Variants in PCDHGA3 observed in about 807,000 individuals in gnomAD.
PCDHGA3 encodes protocadherin gamma subfamily A, 3, also known as protocadherin gamma-A3.
In PCDHGA3, 40 loss-of-function variants were observed where a neutral mutation model predicts 58.5. The observed-to-expected ratio is 0.68, with a 90% CI of 0.53 to 0.89. PCDHGA3 has a LOEUF of 0.89. Among genes scored for constraint, PCDHGA3 ranks in the 40% least tolerant of loss-of-function variants. The probability of loss-of-function intolerance (pLI) is 0.00; values close to 1 mark genes in which losing one functional copy is unlikely to be tolerated. For synonymous variants in PCDHGA3, 530 were observed against 525.7 expected, an observed-to-expected ratio of 1.01 and a Z score of -0.11; for missense variants, 1,223 against 1,195.9, an observed-to-expected ratio of 1.02 and a Z score of -0.33.
At chr5:141,450,006 C>CTATTTTTTTTT (rs70988802) in intron 1 of PCDHGA3, among the ~76,000 whole-genome samples, 2 of 132,964 alleles carry the variant, frequency 1.5e-5, no homozygotes, top group African/African-American at 2.8e-5. Flanking sequence ...TGCCATGTCT[C>CTATTTTTTTTT]TTTTTTTTTT....
Position 141,431,559 on chromosome 5 carries a change from C to T in PCDHGA3, c.2425-63248C>T. 6.2e-7 allele frequency: 1 copy of T among 1,614,158 alleles called. No individual in the cohort carries two copies. On this transcript the variant is annotated intron_variant, in intron 1 of 3. Transcript: ENST00000253812. The surrounding 1 kb of genome is among the most constrained non-coding windows in gnomAD (Gnocchi z 4.8). ...ACGCAGCTGCTTGTAGTCAACGCTA[C>T]CGACCCTGACGAAGGAGTCAATGCG...
At chr5:141,366,544 G>T (rs368873957) in intron 1 of PCDHGA3, 5 of 1,614,112 alleles carry the variant, frequency 3.1e-6, no homozygotes, top group Non-Finnish European at 4.2e-6. Context: ...TGCCCGCCTC[G>T]CACTTTGTGG....
intron 1 of PCDHGA3, chr5:141,372,557 C>A: frequency 6.2e-7 from 1 of 1,614,048 alleles, no homozygotes; most frequent in Non-Finnish European, 8.5e-7. Flanking sequence ...CCTCCAGACC[C>A]GCCACTGAGG....
chr5:141,415,071 G>C (rs757356726), intron 1 of PCDHGA3: 5 of 1,613,422 alleles, frequency 3.1e-6, no homozygotes, highest in Non-Finnish European at 1.7e-6. Context: ...AGGTGCGCAC[G>C]GCGCGAGCCC....
rs200576950 is a variant in PCDHGA3 at position 141,477,475 on chromosome 5, C to T, written c.2425-17332C>T. The T allele has an allele frequency of 1.2e-6, 2 of 1,614,124 alleles. No individual in the cohort carries two copies. Among genetic ancestry groups the T allele is most frequent in the African/African-American group, 2.7e-5 (2 of 75,010 alleles). ...TTCAAGTGTCCGACATCAATGACAACCCTCCACAATCTTCTCAATCTTCCT... is the reference window on the plus strand; with the variant it reads ...TTCAAGTGTCCGACATCAATGACAATCCTCCACAATCTTCTCAATCTTCCT... On this transcript the variant is annotated intron_variant, in intron 1 of 3. Transcript: ENST00000253812. The surrounding 1 kb of genome is among the most constrained non-coding windows in gnomAD (Gnocchi z 4.9).
chr5:141,390,290 C>T (rs1344237469), intron 1 of PCDHGA3: 1 of 1,613,806 alleles, frequency 6.2e-7, no homozygotes, highest in Admixed American at 1.7e-5. Flanking sequence ...AGGTGAGTTT[C>T]CTTTAAGTAT....
intron 2 of PCDHGA3, among the ~76,000 whole-genome samples, chr5:141,498,815 C>T (rs1595543994): frequency 6.6e-6 from 1 of 152,032 alleles, no homozygotes. Flanking sequence ...CACCTGTAGT[C>T]CCAGCTACTC....
chr5:141,507,263 T>C (rs755395344), intron 3 of PCDHGA3: 1 of 152,038 alleles, frequency 6.6e-6, no homozygotes, highest in Non-Finnish European at 1.5e-5. Flanking sequence ...AAACAGCAAG[T>C]ACTATTTCAG....
intron 1 of PCDHGA3, chr5:141,371,505 A>G: frequency 6.2e-7 from 1 of 1,613,908 alleles, no homozygotes; most frequent in Non-Finnish European, 8.5e-7. Flanking sequence ...CCTGATCAAA[A>G]CACATGATCT....
At position 141,344,594 on chromosome 5, in the gene PCDHGA3, G is replaced by A. The variant is rs112672535; in HGVS notation, c.561G>A (p.Glu187=). Residue 187 remains glutamate, a synonymous_variant, in exon 1 of 4, where the codon GAG becomes GAA. Coordinates refer to ENST00000253812, the MANE Select transcript of PCDHGA3 (RefSeq NM_018916.4). ...YFSLAVNSVS[E]GAKYPELVLE... is the part of the protein sequence containing the mutation. ...CTCTGGCTGTGAATAGCGTCTCTGA[G>A]GGGGCCAAGTATCCAGAGCTGGTGC... 39 of 1,613,988 alleles carry A rather than the reference G, an allele frequency of 2.4e-5. 2 individuals carry two copies. The African/African-American group carries it at 2.8e-4, about 12-fold the overall frequency.
chr5:141,385,258 A>G lies in PCDHGA3; in HGVS notation c.2424+38801A>G, dbSNP rs1490610927. ...GCTCATCAGCCAGGAGAGCTGTGAG[A>G]AAAATGATTCTTTGCTAACATCCGT... On this transcript the variant is annotated intron_variant, in intron 1 of 3. Coordinates refer to ENST00000253812, the MANE Select transcript of PCDHGA3 (RefSeq NM_018916.4). 6 of 1,613,776 alleles carry G rather than the reference A, an allele frequency of 3.7e-6. No individual in the cohort carries two copies. In the South Asian group the frequency reaches 6.6e-5, roughly 18 times the overall value.
chr5:141,494,394 T>C (rs1437164389), intron 1 of PCDHGA3, among the ~76,000 whole-genome samples: 1 of 152,154 alleles, frequency 6.6e-6, no homozygotes, highest in African/African-American at 2.4e-5. Flanking sequence ...GTTGAATAAA[T>C]TCATTCTAGG....
In PCDHGA3 at chr5:141,385,016, C is replaced by G. The variant is rs536780147; in HGVS notation, c.2424+38559C>G. 1.9e-6 allele frequency: 3 copies of G among 1,614,186 alleles called. No individual in the cohort carries two copies. In the South Asian group the frequency reaches 3.3e-5, roughly 18 times the overall value. On this transcript the variant is annotated intron_variant, in intron 1 of 3. Transcript: ENST00000253812. ...GCCACAGTCTCCTGCGTCTTCCTAG[C>G]CTTCGTCCTCGTACTGCTGGCGCTC...
rs1255551589 is a variant in PCDHGA3 at position 141,410,375 on chromosome 5, G to A, written c.2424+63918G>A. ...ACGCTCTCTCAGCCCTGCTACTTGG[G>A]ACTGCTTCCATCCTGGTCTCTGTGT... On this transcript the variant is annotated intron_variant, in intron 1 of 3. Coordinates refer to ENST00000253812, the MANE Select transcript of PCDHGA3 (RefSeq NM_018916.4). The A allele has an allele frequency of 6.2e-7, 1 of 1,614,028 alleles. No individual in the cohort carries two copies. Among genetic ancestry groups the A allele is most frequent in the Admixed American group, 1.7e-5 (1 of 60,022 alleles).
chr5:141,425,248 G>T (rs954872490), intron 1 of PCDHGA3, among the ~76,000 whole-genome samples: 2 of 152,178 alleles, frequency 1.3e-5, no homozygotes, highest in Admixed American at 1.3e-4. Context: ...AAAAGGATAT[G>T]AGGTATTTGG....
chr5:141,501,290 TACACACACACACACACACAC>T (rs55762287), intron 2 of PCDHGA3, among the ~76,000 whole-genome samples: 1 of 136,162 alleles, frequency 7.3e-6, no homozygotes, highest in Non-Finnish European at 1.6e-5. Flanking sequence ...TATTCCCTTA[TACACACACACACACACACAC>T]ACACACACAC....
Position 141,490,055 on chromosome 5 carries a change from G to A in PCDHGA3, c.2425-4752G>A, listed in dbSNP as rs746297447. The A allele has an allele frequency of 1.9e-6, 3 of 1,614,068 alleles. No individual in the cohort carries two copies. The Admixed American group carries it at 5.0e-5, about 27-fold the overall frequency. On this transcript the variant is annotated intron_variant, in intron 1 of 3. Transcript: ENST00000253812. This position sits in a 1 kb window ranked among gnomAD's most constrained non-coding sequence, Gnocchi z 5.4. ...CTCAATGCCACTGATCCAGACGAGG[G>A]CACCAACGGCCAACTAGACTATTCT...
intron 1 of PCDHGA3, chr5:141,387,801 C>A: frequency 6.6e-7 from 1 of 1,509,314 alleles, no homozygotes; most frequent in Non-Finnish European, 8.9e-7. Flanking sequence ...AAAGTCCGTT[C>A]GGAGATCCAA....
intron 1 of PCDHGA3, chr5:141,421,722 G>C: frequency 6.2e-7 from 1 of 1,613,972 alleles, no homozygotes; most frequent in Non-Finnish European, 8.5e-7. Flanking sequence ...ATGTGGGCGT[G>C]AACTCCCTCC....
Sources: gnomAD v4.1 joint callset for allele counts (sites outside exome capture counted in the v4.1 genomes callset) on GRCh38, gnomAD v4.1.1 for gene constraint, Gnocchi (gnomAD v3.1) non-coding constraint, MANE v1.5 for transcripts, NCBI Gene and HGNC (gene_info 2026-07-23, HGNC 2026-07-21) for gene names.